The following PDZRN4 variants were observed in gnomAD, a reference collection of about 807,000 sequenced individuals.
PDZRN4 encodes PDZ domain containing ring finger 4.
PDZRN4 carries 70 observed loss-of-function variants against 99.0 expected under a neutral mutation model. The observed-to-expected ratio is 0.71, with a 90% CI of 0.58 to 0.86. The LOEUF is 0.86. PDZRN4 is among the 40% of genes least tolerant of loss of function. The pLI is 0.00. For synonymous variants in PDZRN4, 551 were observed against 501.6 expected, an observed-to-expected ratio of 1.10 and a Z score of -1.32; for missense variants, 1,474 against 1,331.2, an observed-to-expected ratio of 1.11 and a Z score of -1.67.
intron 3 of PDZRN4, among the ~76,000 whole-genome samples, chr12:41,302,074 G>C (rs1951539986): frequency 6.6e-6 from 1 of 151,978 alleles, no homozygotes; most frequent in Admixed American, 6.6e-5. Flanking sequence ...GTGTATGTGT[G>C]TATGCTTGTG....
At chr12:41,330,944 A>T (rs1283994570) in intron 3 of PDZRN4, among the ~76,000 whole-genome samples, 1 of 152,132 alleles carries the variant, frequency 6.6e-6, no homozygotes, top group African/African-American at 2.4e-5. Flanking sequence ...GCTTTAAATT[A>T]TAACATTGTA....
intron 3 of PDZRN4, among the ~76,000 whole-genome samples, chr12:41,365,659 T>A (rs1194930193): frequency 1.3e-5 from 2 of 152,074 alleles, no homozygotes; most frequent in Non-Finnish European, 2.9e-5. Flanking sequence ...CCCTTTCCCC[T>A]CTTTGAGCCC....
intron 3 of PDZRN4, among the ~76,000 whole-genome samples, chr12:41,210,729 G>C (rs1591969383): frequency 6.6e-6 from 1 of 152,048 alleles, no homozygotes; most frequent in Non-Finnish European, 1.5e-5. Context: ...AACTTACCTA[G>C]AGTCCAAAAT....
At chr12:41,372,080 A>AT (rs1952046348) in intron 3 of PDZRN4, among the ~76,000 whole-genome samples, 2 of 152,094 alleles carry the variant, frequency 1.3e-5, no homozygotes, top group Non-Finnish European at 1.5e-5. Context: ...TCTTTTAAAA[A>AT]ATTTTGCATA....
intron 3 of PDZRN4, among the ~76,000 whole-genome samples, chr12:41,288,683 G>A (rs1271638296): frequency 6.6e-6 from 1 of 152,036 alleles, no homozygotes; most frequent in Non-Finnish European, 1.5e-5. Context: ...TTAAAAATAC[G>A]GATACCTTTC....
At chr12:41,384,578 G>T (rs1169366211) in intron 3 of PDZRN4, among the ~76,000 whole-genome samples, 1 of 152,030 alleles carries the variant, frequency 6.6e-6, no homozygotes, top group African/African-American at 2.4e-5. Flanking sequence ...TCTTGGAATG[G>T]GTTACTTCCT....
At chr12:41,426,519 A>G (rs924341771) in intron 3 of PDZRN4, among the ~76,000 whole-genome samples, 2 of 152,210 alleles carry the variant, frequency 1.3e-5, no homozygotes, top group Non-Finnish European at 2.9e-5. Context: ...AAAAGGCATG[A>G]TCTTAGAATC....
intron 3 of PDZRN4, among the ~76,000 whole-genome samples, chr12:41,396,657 G>A (rs116928558): frequency 6.6e-6 from 1 of 152,076 alleles, no homozygotes; most frequent in Non-Finnish European, 1.5e-5. Context: ...GCTGAACTGA[G>A]GGAAGATCCA....
intron 3 of PDZRN4, among the ~76,000 whole-genome samples, chr12:41,351,888 T>C (rs1432858690): frequency 1.3e-5 from 2 of 151,908 alleles, no homozygotes; most frequent in Non-Finnish European, 2.9e-5. Flanking sequence ...TACTTGTCTG[T>C]AATCCCAGCT....
At position 41,468,442 on chromosome 12, in the gene PDZRN4, G is replaced by T. The variant is rs912455680; in HGVS notation, c.844-38014G>T. ...CAAAGCCCAAAACTAAGTGGACAAT[G>T]AAATAACATAATATCAAAGACAGAT... On this transcript the variant is annotated intron_variant, in intron 3 of 9. Coordinates refer to ENST00000402685, the MANE Select transcript of PDZRN4 (RefSeq NM_001164595.2). 1.1e-4 allele frequency among the ~76,000 whole-genome samples: 17 copies of T among 152,290 alleles called. No individual in the cohort carries two copies. In the East Asian group the frequency reaches 3.3e-3, roughly 29 times the overall value.
At position 41,275,510 on chromosome 12, in the gene PDZRN4, T is replaced by C. The variant is rs528410565; in HGVS notation, c.843+81322T>C. The stretch of plus-strand genomic sequence containing the variant: ...GCCTGAATAACAAACTTAGAAGAAG[T>C]GAGCTCAGTGGAGTGACAGGGGAGG... On this transcript the variant is annotated intron_variant, in intron 3 of 9. Transcript: ENST00000402685. 9.7e-4 allele frequency among the ~76,000 whole-genome samples: 147 copies of C among 152,228 alleles called. 1 individual carries two copies. The highest frequency in any genetic ancestry group is 3.4e-3 in the African/African-American group (143 of 41,536).
At chr12:41,567,738 A>G in intron 8 of PDZRN4, 45 bp from the exon 9 acceptor site, 1 of 1,243,294 alleles carries the variant, frequency 8.0e-7, no homozygotes, top group Non-Finnish European at 1.1e-6. Context: ...TTTTAACATG[A>G]GTTCTCACTA....
chr12:41,212,612 T>G (rs1038474333), intron 3 of PDZRN4, among the ~76,000 whole-genome samples: 2 of 152,050 alleles, frequency 1.3e-5, no homozygotes, highest in Non-Finnish European at 1.5e-5. Flanking sequence ...GTGCTAATAC[T>G]AGTTACACTA....
At chr12:41,384,063 C>T (rs377076533) in intron 3 of PDZRN4, among the ~76,000 whole-genome samples, 3 of 130,830 alleles carry the variant, frequency 2.3e-5, no homozygotes, top group South Asian at 2.5e-4. Flanking sequence ...AGTGCAGTGG[C>T]GCGATCTCAG....
intron 3 of PDZRN4, among the ~76,000 whole-genome samples, chr12:41,434,893 C>T (rs985683145): frequency 1.3e-5 from 2 of 152,134 alleles, no homozygotes; most frequent in Non-Finnish European, 1.5e-5. Context: ...CAGATGAATG[C>T]TTTTGTCCCT....
intron 3 of PDZRN4, among the ~76,000 whole-genome samples, chr12:41,344,354 T>C (rs1298932887): frequency 6.6e-6 from 1 of 152,116 alleles, no homozygotes; most frequent in Admixed American, 6.6e-5. Flanking sequence ...TGACAACATA[T>C]CGAATGGCAT....
At chr12:41,408,899 G>A (rs58719598) in intron 3 of PDZRN4, among the ~76,000 whole-genome samples, 2,530 of 151,676 alleles carry the variant, frequency 0.017, 69 homozygotes, top group African/African-American at 0.056. Context: ...GCCAGAAGAT[G>A]TTCATTTTTA....
chr12:41,529,773 A>G (rs1938628595), intron 5 of PDZRN4, among the ~76,000 whole-genome samples: 1 of 152,184 alleles, frequency 6.6e-6, no homozygotes, highest in Non-Finnish European at 1.5e-5. Context: ...TCCTCAGGGT[A>G]TGTGTCATAT....
chr12:41,573,550 G>A lies in PDZRN4; in HGVS notation c.2771G>A (p.Gly924Asp), dbSNP rs1267261144. Reference sequence around the variant, plus strand: ...TTAAAGATCAAGGAAGAGCGGAGTGGCATGACCACAGACGATGACACCATG... The same window carrying A: ...TTAAAGATCAAGGAAGAGCGGAGTGACATGACCACAGACGATGACACCATG... ...RALKIKEERS[G>D]MTTDDDTMSE... The change falls in exon 10 of 10, where the codon GGC (glycine) becomes GAC (aspartate). Residue 924 changes from glycine to aspartate, a missense_variant. Gly to Asp is a moderately conservative substitution (Grantham distance 94). Coordinates refer to ENST00000402685, the MANE Select transcript of PDZRN4 (RefSeq NM_001164595.2). 1.2e-6 allele frequency: 2 copies of A among 1,613,024 alleles called. No individual in the cohort carries two copies. Among genetic ancestry groups the A allele is most frequent in the East Asian group, 2.2e-5 (1 of 44,748 alleles).
Sources: allele counts gnomAD v4.1 joint callset (sites outside exome capture counted in the v4.1 genomes callset), GRCh38; gene constraint gnomAD v4.1.1; transcripts MANE v1.5; gene names NCBI Gene and HGNC (gene_info 2026-07-23, HGNC 2026-07-21).